The following NRG4 variants were observed in gnomAD, a reference collection of about 807,000 sequenced individuals.
The protein encoded by NRG4 is neuregulin 4.
A neutral mutation model predicts 15.0 loss-of-function variants in NRG4; 10 were observed. The ratio of observed to expected loss-of-function variants is 0.67; its 90% CI spans 0.41 to 1.13. The LOEUF is 1.13. NRG4 is among the 50% of genes most tolerant of loss of function. NRG4 has a pLI of 0.00. For missense variants in NRG4, 139 were observed against 140.2 expected (o/e 0.99, Z 0.04); for synonymous variants, 41 against 50.1 (o/e 0.82, Z 0.77).
At chr15:75,965,848 G>T (rs2032767039) in intron 3 of NRG4, among the ~76,000 whole-genome samples, 1 of 152,200 alleles carries the variant, frequency 6.6e-6, no homozygotes, top group African/African-American at 2.4e-5. Flanking sequence ...AGGTCATGTT[G>T]CACCAGCATT....
At chr15:76,041,943 T>C (rs1280585387) in intron 4 of NRG4, among the ~76,000 whole-genome samples, 2 of 152,152 alleles carry the variant, frequency 1.3e-5, no homozygotes, top group Non-Finnish European at 1.5e-5. Context: ...AAAACAAGTC[T>C]TAAAGTATTT....
chr15:76,008,611 G>A (rs868046102), intron 3 of NRG4, among the ~76,000 whole-genome samples: 2 of 152,102 alleles, frequency 1.3e-5, no homozygotes, highest in African/African-American at 4.8e-5. Context: ...TCAGGCTACA[G>A]AAGTACTATT....
intron 3 of NRG4, chr15:75,969,137 G>C (rs1190009457): frequency 2.2e-6 from 1 of 454,564 alleles, no homozygotes; most frequent in East Asian, 7.0e-5. Flanking sequence ...ACCTTCCCAG[G>C]CTTCAGGTCT....
intron 2 of NRG4, among the ~76,000 whole-genome samples, chr15:76,055,370 A>G (rs1218275803): frequency 6.6e-6 from 1 of 152,226 alleles, no homozygotes; most frequent in Non-Finnish European, 1.5e-5. Context: ...AATTTCATAA[A>G]CAAAAACTCT....
At chr15:75,939,515 C>G (rs1276886236), downstream of NRG4, 2 of 152,140 alleles carry the variant, frequency 1.3e-5, no homozygotes, top group Non-Finnish European at 2.9e-5. Context: ...TCCCTTCTAA[C>G]TTTTCCCAAA....
intron 5 of NRG4, among the ~76,000 whole-genome samples, chr15:76,023,130 CCACACACACACA>C (rs10572540): frequency 0.013 from 1,545 of 120,162 alleles, 23 homozygotes; most frequent in African/African-American, 0.029. Flanking sequence ...CACCCATACT[CCACACACACACA>C]CACACACACA....
intron 3 of NRG4, chr15:76,005,883 G>A (rs1452933424): frequency 6.2e-6 from 2 of 324,840 alleles, no homozygotes; most frequent in East Asian, 7.8e-5. Context: ...ATAGTGAATG[G>A]CTCTAGTTAG....
At position 76,028,903 on chromosome 15, in the gene NRG4, CAA is replaced by C. The variant is rs34533266; in HGVS notation, c.-57+7039_-57+7040del. 8.4e-3 allele frequency among the ~76,000 whole-genome samples: 455 copies of C among 54,280 alleles called. 2 individuals carry two copies. The highest frequency in any genetic ancestry group is 0.029 in the African/African-American group (431 of 14,830). The allele number at this position is 54,280 out of a possible 152,430, so 35.6% of individuals were successfully genotyped here. On this transcript the variant is annotated intron_variant, in intron 5 of 8. Transcript: ENST00000563910. Reference sequence around the variant, plus strand: ...GGGTGGCAGAGTGAGACTCCTCCTCCAAAAAAAAAAAAAAAAAAAAAAAACTG... The same window carrying C: ...GGGTGGCAGAGTGAGACTCCTCCTCCAAAAAAAAAAAAAAAAAAAAAACTG...
upstream of NRG4, among the ~76,000 whole-genome samples, chr15:76,016,957 TC>T (rs953953448): frequency 2.6e-5 from 4 of 152,024 alleles, no homozygotes; most frequent in African/African-American, 9.7e-5. Flanking sequence ...TGTGTGGGAG[TC>T]TATGTCTCTT....
intron 3 of NRG4, chr15:75,971,111 G>T: frequency 2.9e-6 from 1 of 341,016 alleles, no homozygotes; most frequent in Non-Finnish European, 5.7e-6. Flanking sequence ...ATTGCCCTGT[G>T]GATACCGACT....
At chr15:76,019,059 G>A (rs1239055684) in intron 5 of NRG4, among the ~76,000 whole-genome samples, 1 of 152,020 alleles carries the variant, frequency 6.6e-6, no homozygotes, top group Non-Finnish European at 1.5e-5. Context: ...GAGGCAGTCT[G>A]TCTACAGTGG....
rs1216800911 is a variant in NRG4 at position 75,942,592 on chromosome 15, GA to G, written c.*1045del. 1.3e-5 allele frequency: 2 copies of G among 152,210 alleles called. No homozygotes were observed. Among genetic ancestry groups the G allele is most frequent in the African/African-American group, 4.8e-5 (2 of 41,460 alleles). 9.4% of individuals were successfully genotyped at this position (152,210 alleles called of 1,614,324 possible). Reference sequence around the variant, plus strand: ...GTGAAATGAGTGAATGATGGGTGATGAATGAATTGGTGACACTAGTGACCCA... The same window carrying G: ...GTGAAATGAGTGAATGATGGGTGATGATGAATTGGTGACACTAGTGACCCA... On this transcript the variant is annotated 3_prime_UTR_variant, in exon 6 of 6. Transcript: ENST00000394907.
chr15:75,958,275 G>T (rs2032342994), intron 4 of NRG4, among the ~76,000 whole-genome samples: 1 of 152,134 alleles, frequency 6.6e-6, no homozygotes, highest in Non-Finnish European at 1.5e-5. Context: ...GCCTCCCAAA[G>T]TGCTGGGATT....
intron 3 of NRG4, among the ~76,000 whole-genome samples, chr15:75,990,880 G>C (rs2033987711): frequency 6.6e-6 from 1 of 151,850 alleles, no homozygotes; most frequent in South Asian, 2.1e-4. Flanking sequence ...AGACAGGGTT[G>C]CCCAGGCTGG....
chr15:75,993,452 C>T (rs1286465258), intron 3 of NRG4, among the ~76,000 whole-genome samples: 1 of 147,148 alleles, frequency 6.8e-6, no homozygotes, highest in Non-Finnish European at 1.5e-5. Flanking sequence ...ATGTGTGGCT[C>T]ACACCTGTAA....
intron 3 of NRG4, among the ~76,000 whole-genome samples, chr15:75,982,858 G>A (rs1269561536): frequency 6.6e-6 from 1 of 152,100 alleles, no homozygotes; most frequent in Non-Finnish European, 1.5e-5. Flanking sequence ...CATCTCTAAC[G>A]GACACCTGAA....
At chr15:75,963,532 C>G (rs1488892504) in intron 3 of NRG4, among the ~76,000 whole-genome samples, 5 of 152,078 alleles carry the variant, frequency 3.3e-5, no homozygotes, top group Non-Finnish European at 7.4e-5. Flanking sequence ...GTAATCCCAG[C>G]ACTTTGGGAG....
chr15:76,000,132 C>G (rs1428629709), intron 3 of NRG4, among the ~76,000 whole-genome samples: 1 of 152,158 alleles, frequency 6.6e-6, no homozygotes, highest in Non-Finnish European at 1.5e-5. Flanking sequence ...GATCCACCCA[C>G]CTCGGCCTCC....
intron 5 of NRG4, among the ~76,000 whole-genome samples, chr15:76,019,342 G>A (rs917753735): frequency 6.6e-6 from 1 of 152,074 alleles, no homozygotes; most frequent in African/African-American, 2.4e-5. Context: ...GGGGTGAACG[G>A]TTCTGTCTCG....
Sources: gnomAD v4.1 joint callset for allele counts (sites outside exome capture counted in the v4.1 genomes callset) on GRCh38, gnomAD v4.1.1 for gene constraint, MANE v1.5 for transcripts, NCBI Gene and HGNC (gene_info 2026-07-23, HGNC 2026-07-21) for gene names.